Variants in LMBR1 observed in about 807,000 individuals in gnomAD.
LMBR1 encodes limb development membrane protein 1, also known as limb region 1 protein homolog.
In LMBR1, 52 loss-of-function variants were observed where a neutral mutation model predicts 73.9. The observed-to-expected ratio is 0.70, with a 90% CI of 0.56 to 0.89. The LOEUF is 0.89. Ranked by LOEUF, LMBR1 falls within the 40% of genes least tolerant of loss-of-function variation. LMBR1 has a pLI of 0.00. For missense variants in LMBR1, 539 were observed against 579.8 expected (o/e 0.93, Z 0.72); for synonymous variants, 215 against 209.4 (o/e 1.03, Z -0.23).
rs1182761573 is a variant in LMBR1, at chr7:156,796,296, T to C, written c.423+93A>G. The stretch of plus-strand genomic sequence containing the variant: ...TTTACTACGCATTTTTTATATTCCA[T>C]TTAAATAATTTAAGTCTGCTTTTTC... On this transcript the variant is annotated intron_variant, in intron 5 of 16. Coordinates refer to ENST00000353442, the MANE Select transcript of LMBR1 (RefSeq NM_022458.4). The C allele has an allele frequency of 2.6e-6, 2 of 762,982 alleles. 1 individual carries two copies. Among genetic ancestry groups the C allele is most frequent in the South Asian group, 3.4e-5 (2 of 58,536 alleles). 47.3% of individuals were successfully genotyped at this position (762,982 alleles called of 1,614,324 possible).
At chr7:156,845,909 G>C (rs1281648439) in intron 1 of LMBR1, among the ~76,000 whole-genome samples, 5 of 151,732 alleles carry the variant, frequency 3.3e-5, no homozygotes, top group African/African-American at 4.8e-5. Flanking sequence ...AAACCACAAT[G>C]GGAAAAGAAC....
intron 5 of LMBR1, among the ~76,000 whole-genome samples, chr7:156,773,467 C>T (rs10253350): frequency 6.6e-6 from 1 of 152,112 alleles, no homozygotes; most frequent in South Asian, 2.1e-4. Context: ...AGTAACCAAA[C>T]GAGCATGGTA....
intron 1 of LMBR1, among the ~76,000 whole-genome samples, chr7:156,837,335 CAA>C (rs61161222): frequency 2.0e-3 from 204 of 101,666 alleles, no homozygotes; most frequent in African/African-American, 6.1e-3. Context: ...GACTCCATCT[CAA>C]AAAAAAAAAA....
chr7:156,728,074 G>A (rs1816122264), intron 11 of LMBR1, 67 bp from the exon 12 acceptor site: 1 of 1,247,756 alleles, frequency 8.0e-7, no homozygotes, highest in Non-Finnish European at 1.2e-6. Context: ...TAAAATCTAG[G>A]TAACCAAATA....
intron 12 of LMBR1, among the ~76,000 whole-genome samples, chr7:156,727,702 A>T (rs1341208404): frequency 1.3e-5 from 2 of 152,234 alleles, no homozygotes; most frequent in African/African-American, 4.8e-5. Context: ...TAAGAAATCT[A>T]AAAGGAAATT....
intron 4 of LMBR1, among the ~76,000 whole-genome samples, chr7:156,798,529 A>C (rs1830419043): frequency 6.6e-6 from 1 of 152,186 alleles, no homozygotes; most frequent in Non-Finnish European, 1.5e-5. Flanking sequence ...TAAAGAATAA[A>C]TTGACCTGGA....
chr7:156,756,327 A>G, intron 9 of LMBR1, 66 bp downstream of exon 9: 2 of 806,768 alleles, frequency 2.5e-6, no homozygotes, highest in South Asian at 2.9e-5. Context: ...TTTCTCTTCA[A>G]TTATCTATCT....
Position 156,700,877 on chromosome 7 carries a change from G to A in LMBR1, c.1226-12686C>T, listed in dbSNP as rs959104291. Among the ~76,000 whole-genome samples, 5 of 152,286 alleles carry A rather than the reference G, an allele frequency of 3.3e-5. No homozygotes were observed. The East Asian group carries it at 9.6e-4, about 29-fold the overall frequency. On this transcript the variant is annotated intron_variant, in intron 15 of 16. Coordinates refer to ENST00000353442, the MANE Select transcript of LMBR1 (RefSeq NM_022458.4). ...CTGCTAAAGACACACCCAAGACTGGGAAGAAAAACAGGTTTAATGGACTCA... is the reference window on the plus strand; with the variant it reads ...CTGCTAAAGACACACCCAAGACTGGAAAGAAAAACAGGTTTAATGGACTCA...
chr7:156,780,955 A>C (rs1827028475), intron 5 of LMBR1, among the ~76,000 whole-genome samples: 1 of 152,244 alleles, frequency 6.6e-6, no homozygotes, highest in Non-Finnish European at 1.5e-5. Context: ...CTATGATTTT[A>C]GTAAAGGACC....
At chr7:156,775,888 A>G (rs1049335889) in intron 5 of LMBR1, among the ~76,000 whole-genome samples, 1 of 152,008 alleles carries the variant, frequency 6.6e-6, no homozygotes, top group Non-Finnish European at 1.5e-5. Context: ...CAATGCCAGA[A>G]GTAAATTGCT....
At chr7:156,844,606 C>T (rs1194012602) in intron 1 of LMBR1, among the ~76,000 whole-genome samples, 1 of 138,290 alleles carries the variant, frequency 7.2e-6, no homozygotes, top group East Asian at 2.3e-4. Context: ...AAGTGAAGTA[C>T]ACCTGAATGA....
intron 5 of LMBR1, among the ~76,000 whole-genome samples, chr7:156,785,854 C>G (rs751822085): frequency 1.6e-4 from 25 of 152,266 alleles, no homozygotes; most frequent in Non-Finnish European, 2.8e-4. Context: ...ATGGGTCTCA[C>G]AACACACACT....
At chr7:156,846,398 ATTAAT>A in intron 1 of LMBR1, among the ~76,000 whole-genome samples, 1 of 152,302 alleles carries the variant, frequency 6.6e-6, no homozygotes, top group East Asian at 1.9e-4. Flanking sequence ...TGTCTCATTA[ATTAAT>A]TTAATGTAAA....
intron 15 of LMBR1, among the ~76,000 whole-genome samples, chr7:156,716,013 G>C (rs913485546): frequency 2.0e-5 from 3 of 152,122 alleles, no homozygotes; most frequent in African/African-American, 4.8e-5. Flanking sequence ...ACTCAACATG[G>C]TGGCACCCAC....
chr7:156,754,167 A>G (rs1821428834), intron 9 of LMBR1, among the ~76,000 whole-genome samples: 2 of 152,218 alleles, frequency 1.3e-5, no homozygotes, highest in Admixed American at 6.5e-5. Context: ...TTACTTTATT[A>G]ACATTCCATG....
At chr7:156,805,614 T>C (rs1215144477) in intron 4 of LMBR1, among the ~76,000 whole-genome samples, 1 of 152,236 alleles carries the variant, frequency 6.6e-6, no homozygotes, top group Non-Finnish European at 1.5e-5. Flanking sequence ...TAGGCTATTC[T>C]AAGTCCATAG....
intron 15 of LMBR1, among the ~76,000 whole-genome samples, chr7:156,711,505 T>C (rs1468490513): frequency 6.6e-6 from 1 of 152,048 alleles, no homozygotes; most frequent in Non-Finnish European, 1.5e-5. Flanking sequence ...AAAACTACCC[T>C]AAAATGTATA....
intron 4 of LMBR1, among the ~76,000 whole-genome samples, chr7:156,824,614 G>C (rs1033287788): frequency 6.6e-6 from 1 of 152,108 alleles, no homozygotes; most frequent in Non-Finnish European, 1.5e-5. Context: ...AGGCCAAGGT[G>C]GGAGATCACT....
intron 1 of LMBR1, among the ~76,000 whole-genome samples, chr7:156,891,033 A>T (rs2134638105): frequency 6.6e-6 from 1 of 151,858 alleles, no homozygotes; most frequent in East Asian, 1.9e-4. Context: ...TCTAATAAAA[A>T]TAGAAAAATT....
Sources: allele counts gnomAD v4.1 joint callset (sites outside exome capture counted in the v4.1 genomes callset), GRCh38; gene constraint gnomAD v4.1.1; transcripts MANE v1.5; gene names NCBI Gene and HGNC (gene_info 2026-07-23, HGNC 2026-07-21).